FRMD3: variants seen among roughly 807,000 people sequenced by gnomAD.
FRMD3 encodes FERM domain-containing protein 3.
FRMD3 carries 33 observed loss-of-function variants against 70.2 expected under a neutral mutation model. The observed-to-expected ratio is 0.47, with a 90% CI of 0.36 to 0.63. The LOEUF (loss-of-function observed/expected upper bound fraction) is 0.63, where lower values mean the gene tolerates loss of function less well. FRMD3 is among the 20% of genes least tolerant of loss of function. The pLI is 0.00. For synonymous variants in FRMD3, 279 were observed against 255.9 expected, an observed-to-expected ratio of 1.09 and a Z score of -0.86; for missense variants, 632 against 711.4, an observed-to-expected ratio of 0.89 and a Z score of 1.27.
At chr9:83,563,452 T>A in the FRMD3 span, among the ~76,000 whole-genome samples, 1 of 152,170 alleles carries the variant, frequency 6.6e-6, no homozygotes, top group Non-Finnish European at 1.5e-5. Context: ...TGGGCTCCAA[T>A]GATAAATGAT....
At chr9:83,243,547 G>A (rs934495578), downstream of FRMD3, among the ~76,000 whole-genome samples, 20 of 152,154 alleles carry the variant, frequency 1.3e-4, no homozygotes, top group African/African-American at 4.6e-4. Flanking sequence ...GTGGCCAACC[G>A]CCATTTTGTG....
chr9:83,277,982 C>T lies in FRMD3; in HGVS notation c.1195+12621G>A, dbSNP rs115773509. Among the ~76,000 whole-genome samples the T allele has an allele frequency of 5.6e-3, 856 of 152,252 alleles. 8 individuals are homozygous for T. The highest frequency in any genetic ancestry group is 0.019 in the African/African-American group (795 of 41,542). Reference sequence around the variant, plus strand: ...CAAACAGGAAGACAAACAAGTGAGACAGTGTTTGATAGTGTCAGGTGTTCT... The same window carrying T: ...CAAACAGGAAGACAAACAAGTGAGATAGTGTTTGATAGTGTCAGGTGTTCT... On this transcript the variant is annotated intron_variant, in intron 13 of 13. Transcript: ENST00000304195.
At chr9:83,568,848 T>C in the FRMD3 span, among the ~76,000 whole-genome samples, 1 of 152,050 alleles carries the variant, frequency 6.6e-6, no homozygotes. Flanking sequence ...AAATAGATCA[T>C]GCCACATTGA....
intron 12 of FRMD3, among the ~76,000 whole-genome samples, chr9:83,295,699 G>A (rs377638537): frequency 3.5e-4 from 53 of 152,270 alleles, no homozygotes; most frequent in Non-Finnish European, 5.9e-4. Flanking sequence ...GCTTGTGTTC[G>A]GTAAAAATGC....
intron 12 of FRMD3, among the ~76,000 whole-genome samples, chr9:83,291,124 CA>C (rs951589424): frequency 5.7e-4 from 87 of 152,266 alleles, no homozygotes; most frequent in African/African-American, 2.1e-3. Flanking sequence ...CAACCACCAA[CA>C]AACAAAAACA....
intron 4 of FRMD3, among the ~76,000 whole-genome samples, chr9:83,348,168 T>C (rs989447327): frequency 2.6e-5 from 4 of 152,184 alleles, no homozygotes; most frequent in Non-Finnish European, 4.4e-5. Context: ...CATTAGGATT[T>C]GATTTGATCT....
In FRMD3 at chr9:83,247,666, A is replaced by C; in HGVS notation, c.*252T>G. 8.3e-7 allele frequency: 1 copy of C among 1,211,510 alleles called. No homozygotes were observed. Among genetic ancestry groups the C allele is most frequent in the Non-Finnish European group, 1.0e-6 (1 of 952,846 alleles). 75.0% of individuals were successfully genotyped at this position (1,211,510 alleles called of 1,614,324 possible). On this transcript the variant is annotated 3_prime_UTR_variant, in exon 14 of 14. Transcript: ENST00000304195. ...TATAATAGATGAAGGGTATGTCTAC[A>C]CTATAATAAAAAATAAACATATTTT...
At position 83,373,046 on chromosome 9, in the gene FRMD3, C is replaced by G. The variant is rs1211043221; in HGVS notation, c.253-91G>C. 3.8e-6 allele frequency: 4 copies of G among 1,060,866 alleles called. No homozygotes were observed. In the South Asian group the frequency reaches 5.1e-5, roughly 14 times the overall value. The allele number at this position is 1,060,866 out of a possible 1,614,324, so 65.7% of individuals were successfully genotyped here. A position where few individuals can be genotyped will look rare whatever the true frequency, so the allele number is the denominator to read the frequency against. Reference sequence around the variant, plus strand: ...AATAACTAAAAGGAATTCCAAAGTACAGCCTCGGTTTCCATAGATACTCTC... The same window carrying G: ...AATAACTAAAAGGAATTCCAAAGTAGAGCCTCGGTTTCCATAGATACTCTC... On this transcript the variant is annotated intron_variant, in intron 2 of 13. Coordinates refer to ENST00000304195, the MANE Select transcript of FRMD3 (RefSeq NM_174938.6).
intron 9 of FRMD3, among the ~76,000 whole-genome samples, chr9:83,310,038 A>G (rs1242749505): frequency 4.6e-5 from 7 of 152,230 alleles, no homozygotes; most frequent in Non-Finnish European, 1.0e-4. Flanking sequence ...GTCTCCGCAC[A>G]AATGCATTCC....
chr9:83,583,986 T>C, the FRMD3 span, among the ~76,000 whole-genome samples: 1 of 152,160 alleles, frequency 6.6e-6, no homozygotes, highest in Non-Finnish European at 1.5e-5. Flanking sequence ...CCTCCTTCGA[T>C]AGTGATTCCT....
At chr9:83,270,384 G>A (rs4877751) in intron 13 of FRMD3, among the ~76,000 whole-genome samples, 84,124 of 152,012 alleles carry the variant, frequency 0.55, 24,657 homozygotes, top group South Asian at 0.78. Flanking sequence ...ACAAACCACC[G>A]GACACAGATC....
intron 1 of FRMD3, among the ~76,000 whole-genome samples, chr9:83,450,193 G>C (rs898498634): frequency 7.0e-6 from 1 of 142,970 alleles, no homozygotes. Context: ...AGGCATGTGT[G>C]TGTGTGCACC....
At chr9:83,507,842 G>C (rs1462222782) in intron 1 of FRMD3, among the ~76,000 whole-genome samples, 1 of 148,896 alleles carries the variant, frequency 6.7e-6, no homozygotes, top group Non-Finnish European at 1.5e-5. Flanking sequence ...AAAAAGTATA[G>C]TATATTATAG....
chr9:83,529,076 G>A (rs534869449), intron 1 of FRMD3, among the ~76,000 whole-genome samples: 55 of 152,278 alleles, frequency 3.6e-4, no homozygotes, highest in Non-Finnish European at 7.1e-4. Context: ...TCAACAAAGA[G>A]GTGTATTCTC....
chr9:83,376,189 A>AG (rs1825141703), intron 2 of FRMD3, among the ~76,000 whole-genome samples: 1 of 148,710 alleles, frequency 6.7e-6, no homozygotes, highest in Non-Finnish European at 1.5e-5. Flanking sequence ...AAAAAAAAAA[A>AG]CCACCTGACA....
intron 6 of FRMD3, among the ~76,000 whole-genome samples, chr9:83,334,717 A>G (rs866547742): frequency 9.2e-5 from 14 of 152,134 alleles, no homozygotes; most frequent in African/African-American, 3.1e-4. Flanking sequence ...TGATCCCTAC[A>G]CACACTTCAT....
intron 1 of FRMD3, among the ~76,000 whole-genome samples, chr9:83,429,502 G>A (rs557708837): frequency 6.6e-6 from 1 of 152,046 alleles, no homozygotes; most frequent in Non-Finnish European, 1.5e-5. Context: ...ATGCTCTTAT[G>A]CACTAAGCTC....
intron 6 of FRMD3, among the ~76,000 whole-genome samples, chr9:83,332,376 C>T (rs1823411101): frequency 6.6e-6 from 1 of 151,550 alleles, no homozygotes; most frequent in African/African-American, 2.4e-5. Flanking sequence ...CTCTCTCTCT[C>T]TTTCTCTCTC....
intron 1 of FRMD3, among the ~76,000 whole-genome samples, chr9:83,455,071 T>TTA (rs1554707843): frequency 7.9e-5 from 12 of 152,138 alleles, no homozygotes; most frequent in African/African-American, 1.9e-4. Context: ...TAGTAACACT[T>TTA]ACTTTTTAAT....
Sources: allele counts gnomAD v4.1 joint callset (sites outside exome capture counted in the v4.1 genomes callset), GRCh38; gene constraint gnomAD v4.1.1; transcripts MANE v1.5; gene names NCBI Gene and HGNC (gene_info 2026-07-23, HGNC 2026-07-21).